Variants in CPA6 observed in about 807,000 individuals in gnomAD.
CPA6 encodes carboxypeptidase B.
In CPA6, 58 loss-of-function variants were observed where a neutral mutation model predicts 63.3. The observed-to-expected ratio is 0.92, with a 90% CI of 0.74 to 1.14. The LOEUF is 1.14. Among genes scored for constraint, CPA6 ranks in the 50% most tolerant of loss-of-function variants. The probability of loss-of-function intolerance (pLI) is 0.00; values close to 1 mark genes in which losing one functional copy is unlikely to be tolerated. For synonymous variants in CPA6, 185 were observed against 179.0 expected (o/e 1.03, Z -0.27); for missense variants, 565 against 526.6 (o/e 1.07, Z -0.71).
At chr8:67,575,687 T>A (rs879472336) in intron 2 of CPA6, among the ~76,000 whole-genome samples, 33 of 152,156 alleles carry the variant, frequency 2.2e-4, no homozygotes, top group Admixed American at 4.6e-4. Context: ...TGAAACCCTG[T>A]CACTACTAAA....
At chr8:67,500,461 T>C (rs1289351349) in intron 6 of CPA6, among the ~76,000 whole-genome samples, 4 of 152,166 alleles carry the variant, frequency 2.6e-5, no homozygotes, top group Non-Finnish European at 2.9e-5. Context: ...TTTGCATATG[T>C]TTTCTCAGTC....
At chr8:67,430,033 C>A (rs1486980261) in intron 9 of CPA6, among the ~76,000 whole-genome samples, 1 of 151,916 alleles carries the variant, frequency 6.6e-6, no homozygotes, top group Non-Finnish European at 1.5e-5. Flanking sequence ...GGACTGATTT[C>A]AGTGATCCCT....
intron 1 of CPA6, among the ~76,000 whole-genome samples, chr8:67,674,562 C>T (rs908367094): frequency 7.2e-5 from 11 of 152,182 alleles, no homozygotes; most frequent in Non-Finnish European, 1.6e-4. Flanking sequence ...AACATTTATA[C>T]ACTGTTGGTG....
chr8:67,568,147 T>A (rs1412668134), intron 2 of CPA6, among the ~76,000 whole-genome samples: 1 of 152,046 alleles, frequency 6.6e-6, no homozygotes, highest in East Asian at 1.9e-4. Context: ...GACTAACTAG[T>A]GAAGGTCTAT....
At chr8:67,514,281 A>G (rs900769115) in intron 3 of CPA6, among the ~76,000 whole-genome samples, 2 of 152,056 alleles carry the variant, frequency 1.3e-5, no homozygotes, top group Non-Finnish European at 2.9e-5. Context: ...TTCATCACCA[A>G]CGTTTACAGG....
chr8:67,616,501 ATGTGTGTGTGTGTGTGTGTGTGTGTG>A (rs4009134), intron 2 of CPA6, among the ~76,000 whole-genome samples: 3 of 126,950 alleles, frequency 2.4e-5, no homozygotes, highest in Non-Finnish European at 5.0e-5. Flanking sequence ...GGCAAATTGA[ATGTGTGTGTGTGTGTGTGTGTGTGTG>A]TGTGTGTGTG....
intron 2 of CPA6, among the ~76,000 whole-genome samples, chr8:67,594,088 A>G (rs1041093832): frequency 4.6e-5 from 7 of 151,918 alleles, no homozygotes; most frequent in Non-Finnish European, 7.4e-5. Flanking sequence ...GGTGGTGACA[A>G]AATCTCTCAG....
intron 6 of CPA6, 29 bp downstream of exon 6, chr8:67,506,758 A>C (rs1362137935): frequency 6.9e-7 from 1 of 1,443,156 alleles, no homozygotes; most frequent in African/African-American, 1.4e-5. Context: ...ACTAGCTGAA[A>C]TGGACATTGT....
intron 2 of CPA6, among the ~76,000 whole-genome samples, chr8:67,521,777 C>A (rs1812262807): frequency 6.6e-6 from 1 of 152,084 alleles, no homozygotes; most frequent in Admixed American, 6.5e-5. Context: ...AGTTTCCTAG[C>A]ACAAAGTCAA....
intron 8 of CPA6, among the ~76,000 whole-genome samples, chr8:67,451,267 T>C (rs1810551586): frequency 6.6e-6 from 1 of 152,196 alleles, no homozygotes; most frequent in Non-Finnish European, 1.5e-5. Flanking sequence ...CTGCTTCCCG[T>C]TGCCCACATT....
intron 1 of CPA6, among the ~76,000 whole-genome samples, chr8:67,728,355 CT>C (rs917959950): frequency 6.6e-6 from 1 of 151,922 alleles, no homozygotes; most frequent in Admixed American, 6.6e-5. Flanking sequence ...ACTTGTATAC[CT>C]TTTTTTTCAG....
intron 1 of CPA6, among the ~76,000 whole-genome samples, chr8:67,690,444 A>C (rs1481587242): frequency 6.6e-6 from 1 of 152,206 alleles, no homozygotes; most frequent in Non-Finnish European, 1.5e-5. Flanking sequence ...ATTTGGTTCT[A>C]GCAATCTACT....
At chr8:67,621,344 G>C (rs887014399) in intron 2 of CPA6, among the ~76,000 whole-genome samples, 4 of 152,174 alleles carry the variant, frequency 2.6e-5, no homozygotes, top group African/African-American at 9.7e-5. Flanking sequence ...TGGGGGCATG[G>C]TCTTGGTGAC....
intron 1 of CPA6, among the ~76,000 whole-genome samples, chr8:67,658,745 A>T (rs1172731319): frequency 1.3e-5 from 2 of 152,134 alleles, no homozygotes; most frequent in Non-Finnish European, 2.9e-5. Flanking sequence ...GTTACTAAAA[A>T]TCCAGACCCC....
At chr8:67,435,537 G>A (rs570678864) in intron 8 of CPA6, among the ~76,000 whole-genome samples, 2 of 152,172 alleles carry the variant, frequency 1.3e-5, no homozygotes, top group African/African-American at 4.8e-5. Context: ...CTTCCTTGGT[G>A]CCCCGCCCTT....
chr8:67,513,706 G>C (rs1812087532), intron 3 of CPA6, among the ~76,000 whole-genome samples: 1 of 152,128 alleles, frequency 6.6e-6, no homozygotes. Context: ...TGGAGGTCAA[G>C]TCCCATCTTC....
chr8:67,473,577 C>A (rs896615938), intron 8 of CPA6, among the ~76,000 whole-genome samples: 1 of 152,020 alleles, frequency 6.6e-6, no homozygotes, highest in Non-Finnish European at 1.5e-5. Flanking sequence ...GCACAGAATC[C>A]CCTATGGCTA....
chr8:67,666,747 G>A (rs1816237587), intron 1 of CPA6, among the ~76,000 whole-genome samples: 1 of 152,072 alleles, frequency 6.6e-6, no homozygotes, highest in Non-Finnish European at 1.5e-5. Flanking sequence ...GAAGAATGCA[G>A]CTCTCTTCTC....
At chr8:67,475,889 TC>T (rs1563968098) in intron 8 of CPA6, among the ~76,000 whole-genome samples, 15 of 54,602 alleles carry the variant, frequency 2.7e-4, no homozygotes, top group African/African-American at 1.1e-3. Flanking sequence ...CTCCTTTCTT[TC>T]TTTCTTTCTT....
Sources: allele counts gnomAD v4.1 joint callset (sites outside exome capture counted in the v4.1 genomes callset), GRCh38; gene constraint gnomAD v4.1.1; transcripts MANE v1.5; gene names NCBI Gene and HGNC (gene_info 2026-07-23, HGNC 2026-07-21).